Variants in NDUFB6 observed in about 807,000 individuals in gnomAD.
NDUFB6 encodes the protein NADH dehydrogenase [ubiquinone] 1 beta subcomplex subunit 6.
Under a neutral mutation model 17.5 loss-of-function variants are expected in NDUFB6, and 23 were observed. The ratio of observed to expected loss-of-function variants is 1.31; its 90% CI spans 0.94 to 1.86. The LOEUF is 1.86. Among genes scored for constraint, NDUFB6 ranks in the 40% most tolerant of loss-of-function variants. NDUFB6 has a pLI of 0.00. For synonymous variants in NDUFB6, 60 were observed against 53.5 expected, an observed-to-expected ratio of 1.12 and a Z score of -0.53; for missense variants, 167 against 153.8, an observed-to-expected ratio of 1.09 and a Z score of -0.46.
Position 32,573,080 on chromosome 9 carries a change from C to A in NDUFB6, c.-20G>T. 1.3e-6 allele frequency: 2 copies of A among 1,531,090 alleles called. No homozygotes were observed. The highest frequency in any genetic ancestry group is 1.8e-6 in the Non-Finnish European group (2 of 1,136,558). The allele number at this position is 1,531,090 out of a possible 1,614,324, so 94.8% of individuals were successfully genotyped here. On this transcript the variant is annotated 5_prime_UTR_variant, in exon 1 of 4. Coordinates refer to ENST00000379847, the MANE Select transcript of NDUFB6 (RefSeq NM_002493.5). ...CGTCATGTCGCCGCTGGTACCAACG[C>A]AAAAGGACACGGCGCACCCTCGAAC...
At chr9:32,561,096 TCAA>T (rs1821612509) in intron 2 of NDUFB6, among the ~76,000 whole-genome samples, 1 of 152,174 alleles carries the variant, frequency 6.6e-6, no homozygotes, top group Non-Finnish European at 1.5e-5. Flanking sequence ...TTAAAGCCCA[TCAA>T]CAACAGAAAT....
intron 1 of NDUFB6, among the ~76,000 whole-genome samples, chr9:32,571,364 T>C (rs1278858077): frequency 1.3e-5 from 2 of 152,222 alleles, no homozygotes; most frequent in Admixed American, 6.5e-5. Context: ...AGATAAAATA[T>C]AGCAAAATAA....
rs1206079721 is a variant in NDUFB6, at chr9:32,573,127, C to T, written c.-67G>A. On this transcript the variant is annotated 5_prime_UTR_variant, in exon 1 of 4. Transcript: ENST00000379847. ...GAACTACGGACTAGTTACTTAAGCG[C>T]GCTCCCGCTCTGCAAAGCGACCTTG... The T allele has an allele frequency of 1.4e-6, 2 of 1,429,886 alleles. No individual in the cohort carries two copies. Among genetic ancestry groups the T allele is most frequent in the Non-Finnish European group, 1.8e-6 (2 of 1,086,052 alleles). 88.6% of individuals were successfully genotyped at this position (1,429,886 alleles called of 1,614,324 possible). A position where few individuals can be genotyped will look rare whatever the true frequency, so the allele number is the denominator to read the frequency against.
chr9:32,561,330 CTT>C (rs58946235), intron 2 of NDUFB6, among the ~76,000 whole-genome samples: 8 of 144,876 alleles, frequency 5.5e-5, no homozygotes, highest in Admixed American at 6.9e-5. Flanking sequence ...TCACTATTTT[CTT>C]TTTTTTTTTT....
chr9:32,562,039 C>T (rs540897417), intron 2 of NDUFB6, among the ~76,000 whole-genome samples: 78 of 152,300 alleles, frequency 5.1e-4, no homozygotes, highest in African/African-American at 1.8e-3. Context: ...CTTCTTCTAT[C>T]TAACTTTCAA....
At chr9:32,567,314 G>C (rs1282218696) in intron 2 of NDUFB6, 8 of 470,098 alleles carry the variant, frequency 1.7e-5, no homozygotes, top group Non-Finnish European at 3.1e-5. Context: ...TCACGTCTCT[G>C]TGCCATATTT....
rs143339409 is a variant in NDUFB6, at chr9:32,553,937, G to C, written c.326C>G (p.Thr109Arg). 6.3e-7 allele frequency: 1 copy of C among 1,589,140 alleles called. No individual in the cohort carries two copies. Among genetic ancestry groups the C allele is most frequent in the Admixed American group, 1.7e-5 (1 of 59,198 alleles). Residue 109 changes from threonine (T) to arginine (R), a missense_variant, in exon 4 of 4, where the codon ACA becomes AGA. Thr to Arg is a moderately conservative substitution (Grantham distance 71). Coordinates refer to ENST00000379847, the MANE Select transcript of NDUFB6 (RefSeq NM_002493.5). ...AATTACTTCTCCAGTCTCCAGAATT[G>C]TATCACCCTAGGAAAACAAAGATAC... ...EKKSRIFPGD[T>R]ILETGEVIPP...
rs1587639856 is a variant in NDUFB6, at chr9:32,558,951, T to C, written c.277A>G (p.Lys93Glu). The C allele has an allele frequency of 1.9e-6, 3 of 1,580,716 alleles. No individual in the cohort carries two copies. The East Asian group carries it at 6.7e-5, about 35-fold the overall frequency. Reference sequence around the variant, plus strand: ...TTCTTTTCAACTATGCCATATGGTTTTTCCTGTAATAAAAGTTAACTCTGT... The same window carrying C: ...TTCTTTTCAACTATGCCATATGGTTCTTCCTGTAATAAAAGTTAACTCTGT... ...HYYMKYHVSE[K>E]PYGIVEKKSR... The change falls in exon 3 of 4, where the codon AAA (lysine) becomes GAA (glutamate). Residue 93 changes from lysine (K) to glutamate (E), a missense_variant. Physicochemically the swap from Lys to Glu is moderately conservative, Grantham distance 56. Transcript: ENST00000379847.
chr9:32,571,977 C>A (rs1257983644), intron 1 of NDUFB6, among the ~76,000 whole-genome samples: 1 of 152,220 alleles, frequency 6.6e-6, no homozygotes, highest in African/African-American at 2.4e-5. Flanking sequence ...AATATGAACT[C>A]ATATTCAATT....
intron 3 of NDUFB6, 70 bp from the exon 4 acceptor site, chr9:32,554,014 A>G: frequency 2.1e-6 from 2 of 975,568 alleles, no homozygotes; most frequent in Non-Finnish European, 3.1e-6. Context: ...ATTCTGTTCT[A>G]TGTTCATCAG....
intron 2 of NDUFB6, among the ~76,000 whole-genome samples, chr9:32,570,125 G>A (rs544553551): frequency 7.2e-5 from 11 of 152,100 alleles, no homozygotes; most frequent in Non-Finnish European, 1.0e-4. Context: ...CTGACATCTT[G>A]CTCTGAGTTA....
At chr9:32,570,415 C>T (rs953957563) in intron 2 of NDUFB6, among the ~76,000 whole-genome samples, 3 of 152,154 alleles carry the variant, frequency 2.0e-5, no homozygotes, top group Non-Finnish European at 2.9e-5. Flanking sequence ...GCCTGGGATC[C>T]AACACCCTGC....
chr9:32,570,868 G>A (rs538539945), intron 2 of NDUFB6, 92 bp downstream of exon 2: 7 of 726,796 alleles, frequency 9.6e-6, no homozygotes, highest in South Asian at 7.0e-5. Context: ...GTTTATAAGT[G>A]GCAGATTATT....
At chr9:32,563,181 T>C (rs1317405856) in intron 2 of NDUFB6, among the ~76,000 whole-genome samples, 2 of 152,178 alleles carry the variant, frequency 1.3e-5, no homozygotes, top group African/African-American at 4.8e-5. Flanking sequence ...TAATTTCAGT[T>C]TGCCCCATTA....
intron 2 of NDUFB6, among the ~76,000 whole-genome samples, chr9:32,560,924 C>T (rs969747801): frequency 6.6e-6 from 1 of 152,168 alleles, no homozygotes; most frequent in Non-Finnish European, 1.5e-5. Flanking sequence ...TTTTAAGTCA[C>T]TGTAACCAGT....
intron 2 of NDUFB6, among the ~76,000 whole-genome samples, chr9:32,564,147 C>A (rs115013377): frequency 6.6e-6 from 1 of 152,168 alleles, no homozygotes; most frequent in Non-Finnish European, 1.5e-5. Context: ...CGCATGCACA[C>A]ATCCACATTT....
intron 2 of NDUFB6, chr9:32,568,473 A>G: frequency 4.6e-6 from 1 of 218,936 alleles, no homozygotes; most frequent in East Asian, 1.5e-4. Context: ...TTCGAATATT[A>G]CATAATCTTA....
chr9:32,562,075 T>TA (rs1821641881), intron 2 of NDUFB6, among the ~76,000 whole-genome samples: 1 of 152,228 alleles, frequency 6.6e-6, no homozygotes, highest in African/African-American at 2.4e-5. Flanking sequence ...GGTCCCAGGC[T>TA]ACCTAGTCAA....
At chr9:32,558,336 C>T (rs1012046233) in intron 3 of NDUFB6, among the ~76,000 whole-genome samples, 50 of 152,108 alleles carry the variant, frequency 3.3e-4, no homozygotes, top group African/African-American at 1.2e-3. Flanking sequence ...TGGTCTCGAT[C>T]TCCTGACCTC....
Sources: gnomAD v4.1 joint callset for allele counts (sites outside exome capture counted in the v4.1 genomes callset) on GRCh38, gnomAD v4.1.1 for gene constraint, MANE v1.5 for transcripts, NCBI Gene and HGNC (gene_info 2026-07-23, HGNC 2026-07-21) for gene names.